The following NDUFAF6 variants were observed in gnomAD, a reference collection of about 807,000 sequenced individuals.
The protein encoded by NDUFAF6 is NADH dehydrogenase (ubiquinone) complex I, assembly factor 6.
Under a neutral mutation model 40.8 loss-of-function variants are expected in NDUFAF6, and 45 were observed. That is an observed-to-expected ratio of 1.10 (90% CI 0.87 to 1.42). The LOEUF (loss-of-function observed/expected upper bound fraction) is 1.42. NDUFAF6 is among the 40% of genes most tolerant of loss of function. NDUFAF6 has a pLI of 0.00. For missense variants in NDUFAF6, 435 were observed against 418.5 expected (o/e 1.04, Z -0.34); for synonymous variants, 185 against 155.9 (o/e 1.19, Z -1.39).
In NDUFAF6 at chr8:95,065,444, AT is replaced by A. The variant is rs897465145; in HGVS notation, c.*512-10182del. Among the ~76,000 whole-genome samples, 44 of 151,942 alleles carry A rather than the reference AT, an allele frequency of 2.9e-4. 1 individual carries two copies. Among genetic ancestry groups the A allele is most frequent in the African/African-American group, 9.9e-4 (41 of 41,438 alleles). On this transcript the variant is annotated intron_variant and NMD_transcript_variant, in intron 9 of 9. Coordinates refer to the NDUFAF6 transcript ENST00000520757. ...AACGTTTTGGTCTATGTCCTCCTCT[AT>A]TTTTTTCCCCCTTGGCATACATATA...
At chr8:95,011,742 A>T (rs1308081961) in intron 2 of NDUFAF6, among the ~76,000 whole-genome samples, 1 of 152,202 alleles carries the variant, frequency 6.6e-6, no homozygotes, top group Non-Finnish European at 1.5e-5. Context: ...AATTTCAGGG[A>T]TTCAGACACC....
Position 95,035,575 on chromosome 8 carries a change from A to G in NDUFAF6, c.419A>G (p.Lys140Arg). ...CAGCCTGTGGCCATTGAACTATGGA[A>G]GGTAAAAAAAAAAAAATACCACTTT... ...PHQPVAIELW[K>R]AVKRHNLTKR... The change falls in exon 3 of 9, where the codon AAG (lysine) becomes AGG (arginine). Residue 140 changes from lysine to arginine, a missense_variant and splice_region_variant. Transcript: ENST00000396124. 1 of 1,468,128 alleles carries G rather than the reference A, an allele frequency of 6.8e-7. No homozygotes were observed. The highest frequency in any genetic ancestry group is 9.0e-7 in the Non-Finnish European group (1 of 1,112,180). The allele number at this position is 1,468,128 out of a possible 1,614,324, so 90.9% of individuals were successfully genotyped here. A position where few individuals can be genotyped will look rare whatever the true frequency, so the allele number is the denominator to read the frequency against.
intron 9 of NDUFAF6, chr8:95,072,148 C>G (rs1171981273): frequency 6.6e-6 from 1 of 152,268 alleles, no homozygotes; most frequent in Non-Finnish European, 1.5e-5. Flanking sequence ...ATGTTAGTTT[C>G]CTTTCCTTCT....
chr8:94,898,028 T>C (rs1221199711), intron 1 of NDUFAF6, among the ~76,000 whole-genome samples: 1 of 152,158 alleles, frequency 6.6e-6, no homozygotes, highest in Non-Finnish European at 1.5e-5. Flanking sequence ...TTTAAAAACA[T>C]TAATAGACTT....
intron 7 of NDUFAF6, among the ~76,000 whole-genome samples, chr8:95,051,151 G>A (rs566045702): frequency 6.6e-6 from 1 of 152,296 alleles, no homozygotes; most frequent in African/African-American, 2.4e-5. Context: ...TATAATTAAG[G>A]CTCCAAGTTT....
intron 1 of NDUFAF6, among the ~76,000 whole-genome samples, chr8:94,967,518 T>C (rs968562272): frequency 6.6e-6 from 1 of 152,232 alleles, no homozygotes; most frequent in African/African-American, 2.4e-5. Flanking sequence ...TCTGTTGCAT[T>C]ATCCTGAAAC....
At chr8:95,063,674 A>G (rs1226630065), downstream of NDUFAF6, among the ~76,000 whole-genome samples, 1 of 152,190 alleles carries the variant, frequency 6.6e-6, no homozygotes, top group Non-Finnish European at 1.5e-5. Context: ...AATCACGATT[A>G]ATCTTCCCAG....
At chr8:95,000,870 G>A (rs1441587750) in intron 2 of NDUFAF6, among the ~76,000 whole-genome samples, 1 of 152,004 alleles carries the variant, frequency 6.6e-6, no homozygotes, top group Non-Finnish European at 1.5e-5. Context: ...CCATGAGGCA[G>A]AGGTTGCAAT....
intron 9 of NDUFAF6, among the ~76,000 whole-genome samples, chr8:95,064,582 A>G (rs1327920477): frequency 6.6e-6 from 1 of 151,680 alleles, no homozygotes; most frequent in East Asian, 1.9e-4. Flanking sequence ...CGTGTGCATG[A>G]TTTCTGGCTC....
chr8:95,036,677 T>C (rs567378484), intron 3 of NDUFAF6, among the ~76,000 whole-genome samples: 1 of 152,360 alleles, frequency 6.6e-6, no homozygotes, highest in Non-Finnish European at 1.5e-5. Context: ...CTGGCCTTTG[T>C]TGGGAAATAT....
At chr8:95,094,603 T>C (rs1809385170) in intron 2 of NDUFAF6, among the ~76,000 whole-genome samples, 1 of 150,400 alleles carries the variant, frequency 6.6e-6, no homozygotes, top group Non-Finnish European at 1.5e-5. Flanking sequence ...TTAGTAGATA[T>C]GGGGTTTCAC....
intron 1 of NDUFAF6, among the ~76,000 whole-genome samples, chr8:94,978,782 T>C (rs897060181): frequency 2.0e-5 from 3 of 151,882 alleles, no homozygotes; most frequent in Non-Finnish European, 2.9e-5. Context: ...CTGTGAGCCA[T>C]CATAGCAAAT....
At chr8:95,115,310 T>G (rs1486496576) in intron 4 of NDUFAF6, among the ~76,000 whole-genome samples, 2 of 152,184 alleles carry the variant, frequency 1.3e-5, no homozygotes, top group African/African-American at 2.4e-5. Flanking sequence ...CAAGAAAAGA[T>G]GGATCTGTAT....
At chr8:94,926,022 G>A (rs188961444) in intron 1 of NDUFAF6, 2 of 152,684 alleles carry the variant, frequency 1.3e-5, no homozygotes, top group South Asian at 2.1e-4. Context: ...TGTAACTCCA[G>A]GTAGTGCAAA....
At chr8:95,004,676 C>T (rs1454072259) in intron 2 of NDUFAF6, among the ~76,000 whole-genome samples, 1 of 152,054 alleles carries the variant, frequency 6.6e-6, no homozygotes, top group Non-Finnish European at 1.5e-5. Context: ...TAACTCTACC[C>T]ACAACTCTGT....
intron 1 of NDUFAF6, chr8:94,939,604 C>T (rs546484905): frequency 4.9e-5 from 21 of 430,776 alleles, no homozygotes; most frequent in Non-Finnish European, 8.2e-5. Flanking sequence ...CACCATGTTG[C>T]CCAGGGTGGT....
chr8:95,104,934 G>C (rs538776188), downstream of NDUFAF6, among the ~76,000 whole-genome samples: 5 of 152,048 alleles, frequency 3.3e-5, no homozygotes, highest in African/African-American at 1.2e-4. Context: ...GGAAACAAAA[G>C]GATGCCCAGA....
rs140726768 is a variant in NDUFAF6 at position 95,086,603 on chromosome 8, C to CTTT, written n.213+10865_213+10867dup. Reference sequence around the variant, plus strand: ...GTCTCTCTCTTTTTTCTTTTCTTTTCTTTTTTTTTTTTTTTTCGAGACGGA... The same window carrying CTTT: ...GTCTCTCTCTTTTTTCTTTTCTTTTCTTTTTTTTTTTTTTTTTTTCGAGACGGA... On this transcript the variant is annotated intron_variant and non_coding_transcript_variant, in intron 2 of 5. Transcript: ENST00000523184. Among the ~76,000 whole-genome samples the CTTT allele has an allele frequency of 2.9e-5, 4 of 136,054 alleles. No homozygotes were observed. The East Asian group carries it at 8.7e-4, about 30-fold the overall frequency. The allele number at this position is 136,054 out of a possible 152,430, so 89.3% of individuals were successfully genotyped here.
intron 1 of NDUFAF6, among the ~76,000 whole-genome samples, chr8:94,904,567 A>T (rs1818269367): frequency 6.6e-6 from 1 of 151,564 alleles, no homozygotes; most frequent in Non-Finnish European, 1.5e-5. Context: ...CACTTCTCTA[A>T]TGATTTTAAG....
Sources: gnomAD v4.1 joint callset for allele counts (sites outside exome capture counted in the v4.1 genomes callset) on GRCh38, gnomAD v4.1.1 for gene constraint, MANE v1.5 for transcripts, NCBI Gene and HGNC (gene_info 2026-07-23, HGNC 2026-07-21) for gene names.